PPP1R12A: variants seen among roughly 807,000 people sequenced by gnomAD.
The protein encoded by PPP1R12A is protein phosphatase 1 regulatory subunit 12A, also known as myosin binding subunit.
A neutral mutation model predicts 139.6 loss-of-function variants in PPP1R12A; 19 were observed. That is an observed-to-expected ratio of 0.14 (90% confidence interval 0.09 to 0.20). The LOEUF (loss-of-function observed/expected upper bound fraction) is 0.20, where lower values mean the gene tolerates loss of function less well. Among genes scored for constraint, PPP1R12A ranks in the 10% least tolerant of loss-of-function variants. The probability of loss-of-function intolerance (pLI) is 1.00; values close to 1 mark genes in which losing one functional copy is unlikely to be tolerated. For synonymous variants in PPP1R12A, 427 were observed against 420.6 expected, an observed-to-expected ratio of 1.02 and a Z score of -0.19; for missense variants, 925 against 1,211.5, an observed-to-expected ratio of 0.76 and a Z score of 3.51.
intron 15 of PPP1R12A, 82 bp from the exon 16 acceptor site, chr12:79,797,477 A>G: frequency 2.3e-6 from 3 of 1,279,118 alleles, no homozygotes; most frequent in Non-Finnish European, 3.2e-6. Flanking sequence ...GATATATTAC[A>G]TACAAATGCA....
At chr12:79,796,996 T>G (rs750491002) in intron 16 of PPP1R12A, 46 bp from the exon 17 acceptor site, 24 of 1,531,696 alleles carry the variant, frequency 1.6e-5, no homozygotes, top group Non-Finnish European at 2.1e-5. Context: ...TTAAACACAA[T>G]TAAAAACATA....
chr12:79,861,524 A>G (rs1881309197), intron 2 of PPP1R12A, among the ~76,000 whole-genome samples: 1 of 152,194 alleles, frequency 6.6e-6, no homozygotes, highest in South Asian at 2.1e-4. Context: ...TCACCTGGGA[A>G]GCGCAAGGGG....
intron 2 of PPP1R12A, among the ~76,000 whole-genome samples, chr12:79,863,879 C>T (rs1484440492): frequency 6.6e-6 from 1 of 152,056 alleles, no homozygotes; most frequent in Non-Finnish European, 1.5e-5. Flanking sequence ...GACTTCCACA[C>T]AATAATAGTG....
intron 5 of PPP1R12A, chr12:79,825,451 T>C (rs761158338): frequency 6.6e-6 from 1 of 152,058 alleles, no homozygotes; most frequent in Non-Finnish European, 1.5e-5. Context: ...TTAAGGTCTG[T>C]ATCACATAAT....
At chr12:79,907,989 T>C (rs1009949955) in intron 1 of PPP1R12A, among the ~76,000 whole-genome samples, 2 of 152,222 alleles carry the variant, frequency 1.3e-5, no homozygotes, top group Non-Finnish European at 2.9e-5. Flanking sequence ...ACAGTACTTT[T>C]AATGGAGTGA....
chr12:79,810,705 A>T (rs1486453000), intron 9 of PPP1R12A, among the ~76,000 whole-genome samples: 1 of 148,282 alleles, frequency 6.7e-6, no homozygotes, highest in Non-Finnish European at 1.5e-5. Flanking sequence ...TAATCTGAAA[A>T]AAATCTAATA....
chr12:79,898,188 G>A (rs756431713), intron 1 of PPP1R12A, among the ~76,000 whole-genome samples: 38 of 152,258 alleles, frequency 2.5e-4, no homozygotes, highest in African/African-American at 5.3e-4. Flanking sequence ...GGTGGCTCAC[G>A]CCTGTAATCC....
At chr12:79,810,536 G>A (rs1021448507) in intron 9 of PPP1R12A, among the ~76,000 whole-genome samples, 2 of 151,898 alleles carry the variant, frequency 1.3e-5, no homozygotes, top group Non-Finnish European at 2.9e-5. Context: ...AATAAGACAG[G>A]TAAAGAGACA....
chr12:79,827,199 A>G (rs113482451), intron 5 of PPP1R12A, among the ~76,000 whole-genome samples: 219 of 152,278 alleles, frequency 1.4e-3, no homozygotes, highest in Middle Eastern at 0.01. Context: ...AATTCAACCC[A>G]AAGATTTTTG....
At chr12:79,923,039 C>G (rs1887565009) in intron 1 of PPP1R12A, among the ~76,000 whole-genome samples, 1 of 152,028 alleles carries the variant, frequency 6.6e-6, no homozygotes, top group Non-Finnish European at 1.5e-5. Flanking sequence ...CTTTGGGAGC[C>G]CGAGGTGGGT....
chr12:79,775,136 G>A lies in PPP1R12A; in HGVS notation c.*793C>T, dbSNP rs941754716. The A allele has an allele frequency of 1.3e-5, 2 of 152,468 alleles. No homozygotes were observed. Among genetic ancestry groups the A allele is most frequent in the Non-Finnish European group, 2.9e-5 (2 of 67,972 alleles). The allele number at this position is 152,468 out of a possible 1,614,324, so 9.4% of individuals were successfully genotyped here. On this transcript the variant is annotated 3_prime_UTR_variant, in exon 25 of 25. Transcript: ENST00000450142. ...TCACTCAGTACCTGCTAAAATGAATGTGAAGATTACAGAATCTAACATCTT... is the reference window on the plus strand; with the variant it reads ...TCACTCAGTACCTGCTAAAATGAATATGAAGATTACAGAATCTAACATCTT...
intron 1 of PPP1R12A, among the ~76,000 whole-genome samples, chr12:79,906,266 TA>T (rs1227489315): frequency 5.3e-5 from 8 of 152,044 alleles, no homozygotes. Flanking sequence ...TAAGTGGGAT[TA>T]AAAAAACTGT....
intron 3 of PPP1R12A, among the ~76,000 whole-genome samples, chr12:79,837,124 T>TG (rs1878180830): frequency 6.6e-6 from 1 of 152,224 alleles, no homozygotes; most frequent in African/African-American, 2.4e-5. Context: ...AATCTTATAA[T>TG]GCATTTAACT....
intron 1 of PPP1R12A, among the ~76,000 whole-genome samples, chr12:79,925,110 T>C (rs1046846436): frequency 3.9e-5 from 6 of 152,160 alleles, no homozygotes; most frequent in Non-Finnish European, 8.8e-5. Context: ...GTTCTGGAGC[T>C]GAAACTCCAA....
At chr12:79,889,808 G>A (rs1313504281) in intron 1 of PPP1R12A, among the ~76,000 whole-genome samples, 1 of 152,178 alleles carries the variant, frequency 6.6e-6, no homozygotes, top group African/African-American at 2.4e-5. Context: ...TTTGGAGTCA[G>A]AAGTCCAAGA....
At chr12:79,890,901 CCACCCACACACACACACA>C (rs1884553097) in intron 1 of PPP1R12A, among the ~76,000 whole-genome samples, 1 of 30,952 alleles carries the variant, frequency 3.2e-5, no homozygotes, top group African/African-American at 2.0e-4. Context: ...CCACCCACAC[CCACCCACACACACACACA>C]CACACACACA....
intron 1 of PPP1R12A, among the ~76,000 whole-genome samples, chr12:79,929,641 C>T (rs1340378304): frequency 2.0e-5 from 3 of 152,054 alleles, no homozygotes; most frequent in African/African-American, 4.8e-5. Context: ...TGGTGCCACG[C>T]ACCCGTAATC....
chr12:79,864,359 T>C (rs1244784279), intron 2 of PPP1R12A, among the ~76,000 whole-genome samples: 1 of 152,186 alleles, frequency 6.6e-6, no homozygotes, highest in East Asian at 1.9e-4. Flanking sequence ...GGGAAATTTA[T>C]AGCACTAAAT....
rs1399066446 is a variant in PPP1R12A, at chr12:79,845,433, A to C, written c.369-13T>G. The C allele has an allele frequency of 6.4e-7, 1 of 1,554,676 alleles. No individual in the cohort carries two copies. Among genetic ancestry groups the C allele is most frequent in the South Asian group, 1.2e-5 (1 of 86,048 alleles). On this transcript the variant is annotated splice_polypyrimidine_tract_variant and intron_variant, in intron 2 of 24. Coordinates refer to ENST00000450142, the MANE Select transcript of PPP1R12A (RefSeq NM_002480.3). ...ACCAATCAAAAACCTGTAAAACCAA[A>C]GGAAAAATAGTTAAGCAAAAGATAT...
Sources: allele counts gnomAD v4.1 joint callset (sites outside exome capture counted in the v4.1 genomes callset), GRCh38; gene constraint gnomAD v4.1.1; transcripts MANE v1.5; gene names NCBI Gene and HGNC (gene_info 2026-07-23, HGNC 2026-07-21).